The following KIF1B variants were observed in gnomAD, a reference collection of about 807,000 sequenced individuals.
The protein encoded by KIF1B is kinesin-like protein KIF1B.
KIF1B carries 76 observed loss-of-function variants against 241.9 expected under a neutral mutation model. The observed-to-expected ratio is 0.31, with a 90% CI of 0.26 to 0.38. The LOEUF (loss-of-function observed/expected upper bound fraction) is 0.38, where lower values mean the gene tolerates loss of function less well. KIF1B is among the 10% of genes least tolerant of loss of function. The pLI, the probability that KIF1B is intolerant of heterozygous loss-of-function variation, is 1.00. For synonymous variants in KIF1B, 750 were observed against 796.7 expected (o/e 0.94, Z 0.99); for missense variants, 1,622 against 2,271.4 (o/e 0.71, Z 5.81).
rs12141246 is a variant in KIF1B at position 10,267,349 on chromosome 1, A to G, written c.430-31A>G. ...GGCTTCTGTATGTGATTTCTTTTTCACTCTAATTCACTTTACTAATTTGTT... is the reference window on the plus strand; with the variant it reads ...GGCTTCTGTATGTGATTTCTTTTTCGCTCTAATTCACTTTACTAATTTGTT... On this transcript the variant is annotated intron_variant, in intron 5 of 48. Transcript: ENST00000676179. The G allele has an allele frequency of 1.9e-6, 3 of 1,604,596 alleles. No homozygotes were observed. The South Asian group carries it at 3.3e-5, about 18-fold the overall frequency.
intron 5 of KIF1B, among the ~76,000 whole-genome samples, chr1:10,263,408 G>A (rs1648267038): frequency 6.6e-6 from 1 of 150,992 alleles, no homozygotes; most frequent in Non-Finnish European, 1.5e-5. Context: ...AATTATTAAA[G>A]TGTTCTGTTA....
rs189848373 is a variant in KIF1B, at chr1:10,356,692, G to A, written c.4055+3956G>A. 1.4e-3 allele frequency among the ~76,000 whole-genome samples: 213 copies of A among 152,184 alleles called. 2 individuals are homozygous for A. The Middle Eastern group carries it at 0.034, about 24-fold the overall frequency. On this transcript the variant is annotated intron_variant, in intron 38 of 48. Transcript: ENST00000676179. ...CGAGGCGGGCGGATCATGAGGTCAAGAGATCGAGACCATCCTGGCCAATAT... is the reference window on the plus strand; with the variant it reads ...CGAGGCGGGCGGATCATGAGGTCAAAAGATCGAGACCATCCTGGCCAATAT...
chr1:10,275,386 C>T (rs756310913), intron 10 of KIF1B, 42 bp from the exon 11 acceptor site: 1 of 1,121,200 alleles, frequency 8.9e-7, no homozygotes, highest in African/African-American at 1.5e-5. Flanking sequence ...GAATTTTTTT[C>T]CCTAACGAAA....
chr1:10,315,098 A>C (rs1651242097), intron 22 of KIF1B, among the ~76,000 whole-genome samples: 1 of 148,756 alleles, frequency 6.7e-6, no homozygotes, highest in Non-Finnish European at 1.5e-5. Flanking sequence ...TTCCTGAATT[A>C]TGTGAAAATT....
Position 10,303,400 on chromosome 1 carries a change from G to C in KIF1B, c.2115+6154G>C. 6.2e-7 allele frequency: 1 copy of C among 1,614,176 alleles called. No homozygotes were observed. On this transcript the variant is annotated intron_variant, in intron 22 of 48. Coordinates refer to ENST00000676179, the MANE Select transcript of KIF1B (RefSeq NM_001365951.3). This position sits in a 1 kb window ranked among gnomAD's most constrained non-coding sequence, Gnocchi z 5.2. ...CACAATCTCAGATCTTAAAATTCAG[G>C]CTGTCAAAGAGATTTGCTATGAGGT... is the stretch of plus-strand genomic sequence containing the variant.
At chr1:10,307,502 G>A (rs1650887377) in intron 22 of KIF1B, 1 of 413,518 alleles carries the variant, frequency 2.4e-6, no homozygotes, top group African/African-American at 2.2e-5. Flanking sequence ...TAGAGACAGG[G>A]TTTCACCACG....
At chr1:10,253,886 G>A (rs1647609468) in intron 2 of KIF1B, among the ~76,000 whole-genome samples, 1 of 152,174 alleles carries the variant, frequency 6.6e-6, no homozygotes, top group Non-Finnish European at 1.5e-5. Context: ...ACATAAATGC[G>A]TGGCTGTACC....
intron 2 of KIF1B, among the ~76,000 whole-genome samples, chr1:10,245,525 G>A (rs1432222209): frequency 3.9e-5 from 6 of 152,074 alleles, no homozygotes; most frequent in African/African-American, 7.2e-5. Flanking sequence ...AAAACCTGAA[G>A]ACAAAAGGGA....
intron 12 of KIF1B, among the ~76,000 whole-genome samples, chr1:10,276,847 G>A (rs56317236): frequency 1.3e-5 from 2 of 152,068 alleles, no homozygotes; most frequent in African/African-American, 2.4e-5. Flanking sequence ...TTGGGTGGCC[G>A]AGGTGGGCGG....
chr1:10,216,639 C>T (rs528401558), intron 1 of KIF1B, among the ~76,000 whole-genome samples: 1 of 152,170 alleles, frequency 6.6e-6, no homozygotes, highest in East Asian at 1.9e-4. Flanking sequence ...TGGTCCCTGT[C>T]GGAGCAGTTC....
intron 22 of KIF1B, among the ~76,000 whole-genome samples, chr1:10,317,105 G>GA (rs557654462): frequency 4.0e-5 from 6 of 151,594 alleles, no homozygotes; most frequent in African/African-American, 1.5e-4. Flanking sequence ...AGGCTAGTAA[G>GA]AAAAAGTGCC....
At chr1:10,269,369 G>A (rs1181524185) in intron 7 of KIF1B, among the ~76,000 whole-genome samples, 1 of 151,216 alleles carries the variant, frequency 6.6e-6, no homozygotes, top group East Asian at 2.0e-4. Flanking sequence ...AAAAAAATTG[G>A]CTGTGCGTGG....
chr1:10,269,367 T>G (rs1457509492), intron 7 of KIF1B, among the ~76,000 whole-genome samples: 1 of 149,712 alleles, frequency 6.7e-6, no homozygotes, highest in African/African-American at 2.5e-5. Flanking sequence ...ATAAAAAAAT[T>G]GGCTGTGCGT....
intron 33 of KIF1B, among the ~76,000 whole-genome samples, chr1:10,342,468 C>G (rs1039675470): frequency 1.3e-5 from 2 of 149,576 alleles, no homozygotes; most frequent in Non-Finnish European, 3.0e-5. Context: ...AAAAATTGTT[C>G]CTAATGCCCA....
At chr1:10,308,793 C>G (rs534581557) in intron 22 of KIF1B, among the ~76,000 whole-genome samples, 4 of 152,186 alleles carry the variant, frequency 2.6e-5, no homozygotes, top group Non-Finnish European at 4.4e-5. Context: ...TAACAAAATT[C>G]TATCTTAAGT....
At chr1:10,364,644 TG>T (rs1638514759) in intron 41 of KIF1B, among the ~76,000 whole-genome samples, 1 of 152,232 alleles carries the variant, frequency 6.6e-6, no homozygotes, top group African/African-American at 2.4e-5. Flanking sequence ...AACGTTCAGT[TG>T]CTTTGCTATT....
At chr1:10,336,908 G>C (rs1047622221) in intron 29 of KIF1B, among the ~76,000 whole-genome samples, 166 bp downstream of exon 29, 7 of 152,166 alleles carry the variant, frequency 4.6e-5, no homozygotes, top group Admixed American at 3.9e-4. Context: ...AAGGTGTATA[G>C]ACTCAATATT....
intron 22 of KIF1B, among the ~76,000 whole-genome samples, chr1:10,309,967 C>G (rs1262000028): frequency 2.0e-5 from 3 of 151,398 alleles, no homozygotes; most frequent in African/African-American, 7.4e-5. Flanking sequence ...GCCTGGAGCC[C>G]ATTTCCATCA....
chr1:10,271,640 T>TA (rs1648805279), intron 8 of KIF1B, 61 bp downstream of exon 8: 1 of 1,128,910 alleles, frequency 8.9e-7, no homozygotes, highest in African/African-American at 1.5e-5. Context: ...TTTTTGTAAA[T>TA]AAAATTTTAT....
Sources: allele counts gnomAD v4.1 joint callset (sites outside exome capture counted in the v4.1 genomes callset), GRCh38; gene constraint gnomAD v4.1.1; non-coding constraint Gnocchi (gnomAD v3.1); transcripts MANE v1.5; gene names NCBI Gene and HGNC (gene_info 2026-07-23, HGNC 2026-07-21).